The following GABRB2 variants were observed in gnomAD, a reference collection of about 807,000 sequenced individuals.
GABRB2 encodes the protein gamma-aminobutyric acid type A receptor subunit beta2, also known as gamma-aminobutyric acid receptor subunit beta-2.
A neutral mutation model predicts 54.7 loss-of-function variants in GABRB2; 16 were observed. That is an observed-to-expected ratio of 0.29 (90% confidence interval 0.20 to 0.44). The LOEUF (loss-of-function observed/expected upper bound fraction) is 0.44. Among genes scored for constraint, GABRB2 ranks in the 20% least tolerant of loss-of-function variants. The pLI is 1.00. For synonymous variants in GABRB2, 244 were observed against 233.8 expected (o/e 1.04, Z -0.40); for missense variants, 355 against 644.0 (o/e 0.55, Z 4.86).
chr5:161,319,347 T>C (rs151215026), intron 9 of GABRB2, among the ~76,000 whole-genome samples: 2,247 of 149,278 alleles, frequency 0.015, 23 homozygotes, highest in Middle Eastern at 0.078. Flanking sequence ...ATTAAATTTT[T>C]GTTAATTTTT....
intron 5 of GABRB2, among the ~76,000 whole-genome samples, chr5:161,347,803 G>A (rs1754362258): frequency 6.6e-6 from 1 of 152,068 alleles, no homozygotes; most frequent in South Asian, 2.1e-4. Flanking sequence ...TTAAAAAGTA[G>A]CAAAATCTAA....
chr5:161,402,302 ATATG>A (rs1421504959), intron 5 of GABRB2, among the ~76,000 whole-genome samples: 1 of 152,158 alleles, frequency 6.6e-6, no homozygotes, highest in African/African-American at 2.4e-5. Flanking sequence ...AAAATAAGAT[ATATG>A]TGATAATACT....
intron 5 of GABRB2, among the ~76,000 whole-genome samples, chr5:161,369,273 C>T (rs2113464959): frequency 6.6e-6 from 1 of 152,240 alleles, no homozygotes; most frequent in African/African-American, 2.4e-5. Context: ...GCTGTGAGAC[C>T]ATTGAATTGT....
intron 3 of GABRB2, among the ~76,000 whole-genome samples, chr5:161,510,813 T>A (rs1161289335): frequency 2.6e-5 from 4 of 151,912 alleles, no homozygotes; most frequent in African/African-American, 9.7e-5. Flanking sequence ...AAAATCATTA[T>A]GGGAAGAAGA....
At chr5:161,449,785 C>A (rs1757740224) in intron 4 of GABRB2, among the ~76,000 whole-genome samples, 1 of 151,946 alleles carries the variant, frequency 6.6e-6, no homozygotes, top group South Asian at 2.1e-4. Flanking sequence ...TACACACACA[C>A]ACATGCACAC....
rs558916511 is a variant in GABRB2 at position 161,542,851 on chromosome 5, C to T, written c.237+2376G>A. Among the ~76,000 whole-genome samples the T allele has an allele frequency of 5.9e-5, 9 of 152,306 alleles. No homozygotes were observed. The South Asian group carries it at 1.9e-3, about 32-fold the overall frequency. On this transcript the variant is annotated intron_variant, in intron 3 of 9. Transcript: ENST00000393959. ...TAATCAAAAGGCCCTAACACTCAGA[C>T]CTACATACAGGGTACAACACACCAT...
intron 3 of GABRB2, among the ~76,000 whole-genome samples, chr5:161,463,141 C>T (rs945071659): frequency 3.3e-5 from 5 of 151,840 alleles, no homozygotes; most frequent in Non-Finnish European, 7.4e-5. Context: ...ATTTCTTCCA[C>T]GAATTACAAC....
intron 9 of GABRB2, among the ~76,000 whole-genome samples, chr5:161,303,831 TC>T (rs1208798177): frequency 1.3e-5 from 2 of 151,452 alleles, no homozygotes; most frequent in African/African-American, 4.8e-5. Flanking sequence ...TGTTACTGTC[TC>T]TGGCCCTCAG....
intron 4 of GABRB2, among the ~76,000 whole-genome samples, chr5:161,444,089 G>T: frequency 6.6e-6 from 1 of 151,950 alleles, no homozygotes; most frequent in African/African-American, 2.4e-5. Flanking sequence ...CTTAATATTT[G>T]GGAAAAAATA....
At chr5:161,332,784 C>T (rs1753890079) in intron 7 of GABRB2, among the ~76,000 whole-genome samples, 1 of 152,050 alleles carries the variant, frequency 6.6e-6, no homozygotes, top group Non-Finnish European at 1.5e-5. Flanking sequence ...TTAATTTTAT[C>T]TCAGTAGTAA....
intron 4 of GABRB2, among the ~76,000 whole-genome samples, chr5:161,415,492 A>C (rs1389241903): frequency 6.6e-6 from 1 of 152,248 alleles, no homozygotes; most frequent in African/African-American, 2.4e-5. Flanking sequence ...CTATAAAATC[A>C]AGAAATGCAA....
At chr5:161,534,756 T>C (rs1760577306) in intron 3 of GABRB2, among the ~76,000 whole-genome samples, 1 of 152,004 alleles carries the variant, frequency 6.6e-6, no homozygotes, top group South Asian at 2.1e-4. Context: ...TGTATTTATA[T>C]TACGTGGAAT....
chr5:161,317,167 A>C (rs904102141), intron 9 of GABRB2, among the ~76,000 whole-genome samples: 1 of 152,164 alleles, frequency 6.6e-6, no homozygotes, highest in African/African-American at 2.4e-5. Flanking sequence ...GTATTTTAAA[A>C]GTGATATATA....
At chr5:161,294,802 T>A (rs1388129760) in intron 9 of GABRB2, among the ~76,000 whole-genome samples, 3 of 152,170 alleles carry the variant, frequency 2.0e-5, no homozygotes, top group Non-Finnish European at 1.5e-5. Context: ...GTGCTAGGCA[T>A]GCAACAGTGT....
At chr5:161,401,216 G>T (rs2113080239) in intron 5 of GABRB2, among the ~76,000 whole-genome samples, 1 of 152,236 alleles carries the variant, frequency 6.6e-6, no homozygotes, top group South Asian at 2.1e-4. Flanking sequence ...CCCAGAAGGT[G>T]GGTTTTCACT....
At chr5:161,440,991 A>G (rs1358987000) in intron 4 of GABRB2, among the ~76,000 whole-genome samples, 2 of 152,202 alleles carry the variant, frequency 1.3e-5, no homozygotes, top group South Asian at 2.1e-4. Context: ...AGACTTTAAA[A>G]CTTCAAACTA....
chr5:161,327,423 A>G (rs915498667), intron 8 of GABRB2, among the ~76,000 whole-genome samples: 16 of 151,464 alleles, frequency 1.1e-4, no homozygotes, highest in African/African-American at 3.9e-4. Context: ...GCACACTTTT[A>G]TGTACACTGG....
chr5:161,340,867 C>T (rs1754136976), intron 5 of GABRB2, among the ~76,000 whole-genome samples: 1 of 151,972 alleles, frequency 6.6e-6, no homozygotes, highest in Admixed American at 6.6e-5. Flanking sequence ...TAGAACTCTC[C>T]AACGTTCTGG....
At chr5:161,458,379 C>A (rs1247105277) in intron 4 of GABRB2, among the ~76,000 whole-genome samples, 2 of 152,166 alleles carry the variant, frequency 1.3e-5, no homozygotes, top group African/African-American at 4.8e-5. Flanking sequence ...TTGTCTACCA[C>A]CAGTGTTTGC....
Sources: allele counts gnomAD v4.1 joint callset (sites outside exome capture counted in the v4.1 genomes callset), GRCh38; gene constraint gnomAD v4.1.1; transcripts MANE v1.5; gene names NCBI Gene and HGNC (gene_info 2026-07-23, HGNC 2026-07-21).